The following ANO6 variants were observed in gnomAD, a reference collection of about 807,000 sequenced individuals.
ANO6 encodes the protein anoctamin 6, also known as anoctamin-6.
ANO6 carries 106 observed loss-of-function variants against 117.5 expected under a neutral mutation model. The observed-to-expected ratio is 0.90, with a 90% CI of 0.77 to 1.06. The LOEUF is 1.06. ANO6 is among the 50% of genes least tolerant of loss of function. The pLI is 0.00. For missense variants in ANO6, 955 were observed against 1,121.1 expected (o/e 0.85, Z 2.12); for synonymous variants, 367 against 385.1 (o/e 0.95, Z 0.55).
At chr12:45,398,517 T>A (rs972816171) in intron 12 of ANO6, among the ~76,000 whole-genome samples, 1 of 152,180 alleles carries the variant, frequency 6.6e-6, no homozygotes, top group Non-Finnish European at 1.5e-5. Flanking sequence ...CTAATTTAGC[T>A]CTTAGGACTT....
intron 1 of ANO6, chr12:45,293,021 C>A: frequency 1.3e-6 from 2 of 1,522,250 alleles, no homozygotes; most frequent in Non-Finnish European, 1.8e-6. Flanking sequence ...TAAATATTGT[C>A]CAAATATTTG....
chr12:45,437,390 T>C (rs1045409886), intron 19 of ANO6, among the ~76,000 whole-genome samples: 1 of 152,216 alleles, frequency 6.6e-6, no homozygotes, highest in Non-Finnish European at 1.5e-5. Flanking sequence ...ACTAGATTAT[T>C]TTGAAAAGTA....
chr12:45,360,433 C>T (rs1224143897), intron 8 of ANO6, among the ~76,000 whole-genome samples: 1 of 152,138 alleles, frequency 6.6e-6, no homozygotes, highest in Non-Finnish European at 1.5e-5. Flanking sequence ...AAGGATGAGC[C>T]CTCATGGCCT....
chr12:45,278,354 A>G (rs1410460625), intron 1 of ANO6, among the ~76,000 whole-genome samples: 1 of 152,196 alleles, frequency 6.6e-6, no homozygotes, highest in Non-Finnish European at 1.5e-5. Flanking sequence ...CAATTTGGGG[A>G]AATTTCTTTG....
Position 45,324,275 on chromosome 12 carries a change from GT to G in ANO6, c.151-7016del, listed in dbSNP as rs1476766138. ...TGAGACATTCATTTTTTAAAATTGT[GT>G]TTTGGAAACATCTGTGCATCCCTAT... On this transcript the variant is annotated intron_variant, in intron 2 of 19. Transcript: ENST00000320560. 2.0e-5 allele frequency among the ~76,000 whole-genome samples: 3 copies of G among 152,098 alleles called. No individual in the cohort carries two copies. The East Asian group carries it at 5.8e-4, about 29-fold the overall frequency.
intron 2 of ANO6, among the ~76,000 whole-genome samples, chr12:45,315,260 A>G (rs753229913): frequency 6.6e-6 from 1 of 152,090 alleles, no homozygotes; most frequent in Non-Finnish European, 1.5e-5. Flanking sequence ...TTCAATAGCC[A>G]TGTGTGGCTC....
chr12:45,232,670 C>A (rs1226459084), intron 1 of ANO6, among the ~76,000 whole-genome samples: 1 of 152,168 alleles, frequency 6.6e-6, no homozygotes, highest in Non-Finnish European at 1.5e-5. Flanking sequence ...GGGAATTCAC[C>A]ATGCAGAGGT....
chr12:45,397,956 C>T (rs571088075), intron 12 of ANO6, among the ~76,000 whole-genome samples: 24 of 139,204 alleles, frequency 1.7e-4, no homozygotes, highest in Admixed American at 3.8e-4. Flanking sequence ...ACGTTGTGCA[C>T]GTGTACCCTA....
chr12:45,348,662 G>T (rs780462766), intron 6 of ANO6, 31 bp downstream of exon 6: 1 of 1,519,444 alleles, frequency 6.6e-7, no homozygotes, highest in East Asian at 2.3e-5. Context: ...GAACTAAAAG[G>T]CCTTCTGTAT....
At chr12:45,270,412 C>A in intron 1 of ANO6, 4 of 1,512,402 alleles carry the variant, frequency 2.6e-6, no homozygotes, top group Admixed American at 2.1e-5. Context: ...AGCCTAACAC[C>A]ATCCCTTATA....
rs1285504126 is a variant in ANO6, at chr12:45,295,303, G to A, written c.71-6711G>A. On this transcript the variant is annotated intron_variant, in intron 1 of 19. Transcript: ENST00000320560. ...CAACCTCTTGCTAATATAGGAAGTA[G>A]AATTTCTCTCACCTCATTGTTCACC... Among the ~76,000 whole-genome samples, 3 of 152,210 alleles carry A rather than the reference G, an allele frequency of 2.0e-5. 1 individual carries two copies. The highest frequency in any genetic ancestry group is 4.4e-5 in the Non-Finnish European group (3 of 68,042).
intron 1 of ANO6, among the ~76,000 whole-genome samples, chr12:45,301,383 G>C (rs1326794067): frequency 6.6e-6 from 1 of 152,002 alleles, no homozygotes; most frequent in African/African-American, 2.4e-5. Context: ...CTTGAGGCTA[G>C]GAGTTTGAGA....
chr12:45,342,205 G>C (rs567462084), intron 3 of ANO6, among the ~76,000 whole-genome samples: 3 of 152,128 alleles, frequency 2.0e-5, no homozygotes, highest in Non-Finnish European at 4.4e-5. Flanking sequence ...AACAAAATCC[G>C]AGAAGAGAGA....
chr12:45,423,146 A>G, intron 19 of ANO6, 84 bp downstream of exon 19: 2 of 977,752 alleles, frequency 2.0e-6, no homozygotes, highest in Non-Finnish European at 3.3e-6. Flanking sequence ...CATACTTAAC[A>G]TGTGTGATAC....
intron 1 of ANO6, among the ~76,000 whole-genome samples, chr12:45,234,347 T>C (rs149533537): frequency 1.3e-5 from 2 of 152,320 alleles, no homozygotes; most frequent in African/African-American, 4.8e-5. Flanking sequence ...TCTCCCTATG[T>C]ATAAGGAGTT....
intron 1 of ANO6, among the ~76,000 whole-genome samples, chr12:45,246,410 T>C (rs1204345576): frequency 1.3e-5 from 2 of 152,202 alleles, no homozygotes; most frequent in Non-Finnish European, 1.5e-5. Context: ...GAAGTATTTC[T>C]ACATTTGAGC....
chr12:45,238,857 A>G (rs1947690727), intron 1 of ANO6, among the ~76,000 whole-genome samples: 2 of 152,212 alleles, frequency 1.3e-5, no homozygotes, highest in Non-Finnish European at 1.5e-5. Flanking sequence ...TGATTTGTGT[A>G]TGTTAAACTA....
rs537135868 is a variant in ANO6 at position 45,369,430 on chromosome 12, T to G, written c.1104+1637T>G. ...GACACTCCCCACACCCACCTCTTCTTCTTTCTTCTGCTCCACCTACCCTCC... is the reference window on the plus strand; with the variant it reads ...GACACTCCCCACACCCACCTCTTCTGCTTTCTTCTGCTCCACCTACCCTCC... On this transcript the variant is annotated intron_variant, in intron 9 of 19. Transcript: ENST00000320560. 4.5e-4 allele frequency among the ~76,000 whole-genome samples: 68 copies of G among 152,284 alleles called. 2 individuals are homozygous for G. The South Asian group carries it at 0.013, about 30-fold the overall frequency.
At chr12:45,262,185 A>C (rs902493707) in intron 1 of ANO6, among the ~76,000 whole-genome samples, 4 of 152,220 alleles carry the variant, frequency 2.6e-5, no homozygotes, top group African/African-American at 7.2e-5. Context: ...TGAATATTTT[A>C]GTATGCTGCT....
Sources: allele counts gnomAD v4.1 joint callset (sites outside exome capture counted in the v4.1 genomes callset), GRCh38; gene constraint gnomAD v4.1.1; transcripts MANE v1.5; gene names NCBI Gene and HGNC (gene_info 2026-07-23, HGNC 2026-07-21).